The following PPM1H variants were observed in gnomAD, a reference collection of about 807,000 sequenced individuals.
PPM1H encodes protein phosphatase 1H.
A neutral mutation model predicts 54.9 loss-of-function variants in PPM1H; 27 were observed. The observed-to-expected ratio is 0.49, with a 90% CI of 0.36 to 0.68. The LOEUF is 0.68. Ranked by LOEUF, PPM1H falls within the 30% of genes least tolerant of loss-of-function variation. PPM1H has a pLI of 0.00. For synonymous variants in PPM1H, 305 were observed against 270.8 expected (o/e 1.13, Z -1.24); for missense variants, 596 against 667.8 (o/e 0.89, Z 1.19).
chr12:62,756,163 G>A (rs138036442), intron 4 of PPM1H: 19 of 847,100 alleles, frequency 2.2e-5, no homozygotes, highest in Non-Finnish European at 3.4e-5. Flanking sequence ...CTCATTTCCT[G>A]GTATGACAAT....
rs1555200465 is a variant in PPM1H, at chr12:62,839,878, A to AAAAAAAAAAAAAC, written c.246-7612_246-7600dup. The stretch of plus-strand genomic sequence containing the variant: ...CATGGTGTGATCCTGTTTCTACAAA[A>AAAAAAAAAAAAAC]AAAAAAAAAAAACACCCAGTGTGGT... On this transcript the variant is annotated intron_variant, in intron 1 of 9. Coordinates refer to ENST00000228705, the MANE Select transcript of PPM1H (RefSeq NM_020700.2). 3.3e-3 allele frequency among the ~76,000 whole-genome samples: 490 copies of AAAAAAAAAAAAAC among 150,340 alleles called. 11 individuals are homozygous for AAAAAAAAAAAAAC. Among genetic ancestry groups the AAAAAAAAAAAAAC allele is most frequent in the African/African-American group, 0.012 (470 of 40,430 alleles).
intron 8 of PPM1H, among the ~76,000 whole-genome samples, chr12:62,680,873 T>G (rs187172338): frequency 1.1e-3 from 165 of 152,324 alleles, no homozygotes; most frequent in African/African-American, 3.8e-3. Context: ...TCTATCCCAA[T>G]AAGACTGGAA....
At chr12:62,879,989 AC>A (rs752868856) in intron 1 of PPM1H, among the ~76,000 whole-genome samples, 2 of 152,170 alleles carry the variant, frequency 1.3e-5, no homozygotes, top group African/African-American at 2.4e-5. Flanking sequence ...GCAAATGTCT[AC>A]AGGTCTGCCA....
chr12:62,911,551 A>G (rs1036761771), intron 1 of PPM1H, among the ~76,000 whole-genome samples: 1 of 152,174 alleles, frequency 6.6e-6, no homozygotes, highest in East Asian at 1.9e-4. Context: ...TCCAGTCCCC[A>G]GCTCCTCTTG....
chr12:62,691,100 G>C (rs1384927997), intron 7 of PPM1H, among the ~76,000 whole-genome samples: 1 of 152,200 alleles, frequency 6.6e-6, no homozygotes, highest in African/African-American at 2.4e-5. Flanking sequence ...GGTTATGCAA[G>C]TTTAGAGGAG....
chr12:62,704,097 T>C (rs938086568), intron 6 of PPM1H, among the ~76,000 whole-genome samples: 4 of 152,172 alleles, frequency 2.6e-5, no homozygotes, highest in African/African-American at 9.7e-5. Flanking sequence ...AGAGTCTTTT[T>C]TTCCCGGTTT....
chr12:62,925,073 C>T (rs1871933269), intron 1 of PPM1H, among the ~76,000 whole-genome samples: 1 of 151,926 alleles, frequency 6.6e-6, no homozygotes, highest in African/African-American at 2.4e-5. Flanking sequence ...ACTCAATAAA[C>T]CTGCATTTAA....
At chr12:62,894,710 T>C (rs771718948) in intron 1 of PPM1H, among the ~76,000 whole-genome samples, 22 of 152,228 alleles carry the variant, frequency 1.4e-4, no homozygotes, top group African/African-American at 4.6e-4. Flanking sequence ...AAAGATGTAA[T>C]GCCTATCCTA....
At chr12:62,693,127 C>T (rs895123184) in intron 7 of PPM1H, among the ~76,000 whole-genome samples, 1 of 152,132 alleles carries the variant, frequency 6.6e-6, no homozygotes, top group East Asian at 1.9e-4. Flanking sequence ...ATTAGTGTTC[C>T]GAGGAAGAAT....
intron 4 of PPM1H, among the ~76,000 whole-genome samples, chr12:62,772,876 G>A (rs2076587465): frequency 6.6e-6 from 1 of 152,188 alleles, no homozygotes; most frequent in Admixed American, 6.5e-5. Context: ...TAGGCTGGGT[G>A]TGGTGGCTCA....
chr12:62,882,836 A>G (rs1444785520), intron 1 of PPM1H, among the ~76,000 whole-genome samples: 1 of 152,182 alleles, frequency 6.6e-6, no homozygotes, highest in African/African-American at 2.4e-5. Flanking sequence ...ACTGTCTCAC[A>G]TATACCCCCA....
At chr12:62,766,576 A>T (rs2076545158) in intron 4 of PPM1H, among the ~76,000 whole-genome samples, 1 of 151,974 alleles carries the variant, frequency 6.6e-6, no homozygotes, top group Non-Finnish European at 1.5e-5. Context: ...CAAAAAAAAA[A>T]TTACCCTGCT....
intron 9 of PPM1H, among the ~76,000 whole-genome samples, chr12:62,651,333 C>G (rs906304331): frequency 4.6e-5 from 7 of 152,114 alleles, no homozygotes; most frequent in Non-Finnish European, 8.8e-5. Flanking sequence ...TACAGGAACT[C>G]AAAACACAAC....
intron 1 of PPM1H, among the ~76,000 whole-genome samples, chr12:62,856,467 TTTTTA>T (rs1314194028): frequency 7.9e-5 from 12 of 152,328 alleles, no homozygotes; most frequent in African/African-American, 2.9e-4. Context: ...TTGTCTCTTT[TTTTTA>T]TTTTGTCAGA....
At chr12:62,747,141 C>CT (rs59711942) in intron 4 of PPM1H, among the ~76,000 whole-genome samples, 6,244 of 144,648 alleles carry the variant, frequency 0.043, 449 homozygotes, top group African/African-American at 0.15. Context: ...GGTTTTTTTT[C>CT]TTTTTTTTTT....
chr12:62,678,778 T>A (rs1189542617), intron 8 of PPM1H, among the ~76,000 whole-genome samples: 3 of 151,978 alleles, frequency 2.0e-5, no homozygotes, highest in African/African-American at 7.2e-5. Context: ...GCAGCCTCTA[T>A]CTCCTGGGTT....
At chr12:62,802,283 C>A in intron 2 of PPM1H, 123 bp from the exon 3 acceptor site, 1 of 690,170 alleles carries the variant, frequency 1.4e-6, no homozygotes, top group Non-Finnish European at 2.2e-6. Flanking sequence ...GCAAACAATG[C>A]GGTCAAAACA....
chr12:62,710,074 C>CA lies in PPM1H; in HGVS notation c.1073+10096dup, dbSNP rs1241521556. Among the ~76,000 whole-genome samples the CA allele has an allele frequency of 6.7e-3, 972 of 144,266 alleles. 8 individuals carry two copies. The highest frequency in any genetic ancestry group is 0.023 in the African/African-American group (895 of 39,370). 94.6% of individuals were successfully genotyped at this position (144,266 alleles called of 152,430 possible). ...GGGCAACAAGAGTGAAACTCCGTCT[C>CA]AAAAAAAAAAGCCAGTCTTGGGCCA... On this transcript the variant is annotated intron_variant, in intron 6 of 9. Transcript: ENST00000228705.
intron 6 of PPM1H, among the ~76,000 whole-genome samples, chr12:62,704,486 G>C (rs1423591580): frequency 4.6e-5 from 7 of 152,196 alleles, no homozygotes; most frequent in Admixed American, 2.0e-4. Context: ...CTGTGGGATG[G>C]AAGCTCTCCA....
Sources: gnomAD v4.1 joint callset for allele counts (sites outside exome capture counted in the v4.1 genomes callset) on GRCh38, gnomAD v4.1.1 for gene constraint, MANE v1.5 for transcripts, NCBI Gene and HGNC (gene_info 2026-07-23, HGNC 2026-07-21) for gene names.